DIAPH3: variants seen among roughly 807,000 people sequenced by gnomAD.
The protein encoded by DIAPH3 is protein diaphanous homolog 3.
Under a neutral mutation model 144.3 loss-of-function variants are expected in DIAPH3, and 117 were observed. The ratio of observed to expected loss-of-function variants is 0.81; its 90% CI spans 0.70 to 0.95. The LOEUF is 0.95. Among genes scored for constraint, DIAPH3 ranks in the 40% least tolerant of loss-of-function variants. DIAPH3 has a pLI of 0.00. For synonymous variants in DIAPH3, 519 were observed against 488.9 expected (o/e 1.06, Z -0.81); for missense variants, 1,421 against 1,412.7 (o/e 1.01, Z -0.09).
chr13:60,085,913 G>C (rs1361310342), intron 4 of DIAPH3, among the ~76,000 whole-genome samples: 5 of 151,988 alleles, frequency 3.3e-5, no homozygotes, highest in South Asian at 2.1e-4. Context: ...AAACAACTCA[G>C]TGACAAGATG....
intron 27 of DIAPH3, among the ~76,000 whole-genome samples, chr13:59,709,259 T>C (rs1365584287): frequency 2.0e-5 from 3 of 152,110 alleles, no homozygotes; most frequent in African/African-American, 4.8e-5. Context: ...ACAGCTAAGA[T>C]AGAAAAGGGC....
At chr13:59,992,352 A>AT (rs887852924) in intron 10 of DIAPH3, 121 bp downstream of exon 10, 3 of 1,100,252 alleles carry the variant, frequency 2.7e-6, no homozygotes, top group Non-Finnish European at 3.9e-6. Flanking sequence ...TCAAAAATAG[A>AT]TTTTTTAACT....
intron 4 of DIAPH3, among the ~76,000 whole-genome samples, chr13:60,083,969 T>G (rs192661053): frequency 6.6e-6 from 1 of 150,690 alleles, no homozygotes; most frequent in Admixed American, 6.7e-5. Flanking sequence ...GAATAAACTA[T>G]AGTCTGAGGA....
chr13:59,908,057 T>A (rs1474403497), intron 20 of DIAPH3, among the ~76,000 whole-genome samples: 1 of 152,052 alleles, frequency 6.6e-6, no homozygotes, highest in Non-Finnish European at 1.5e-5. Flanking sequence ...GAAAACTGTA[T>A]CTAAGTGATA....
chr13:59,848,261 C>T (rs984400122), intron 22 of DIAPH3, among the ~76,000 whole-genome samples: 1 of 151,186 alleles, frequency 6.6e-6, no homozygotes, highest in African/African-American at 2.4e-5. Flanking sequence ...TGCTCAAAAC[C>T]TTCCGTGGCT....
intron 17 of DIAPH3, among the ~76,000 whole-genome samples, chr13:59,926,325 C>T (rs1190588417): frequency 6.6e-6 from 1 of 152,082 alleles, no homozygotes; most frequent in Non-Finnish European, 1.5e-5. Flanking sequence ...TTTAGTTCTG[C>T]TCTGAACTTT....
At chr13:60,043,602 G>A (rs1393960744) in intron 4 of DIAPH3, among the ~76,000 whole-genome samples, 1 of 152,148 alleles carries the variant, frequency 6.6e-6, no homozygotes, top group African/African-American at 2.4e-5. Context: ...GCTCTCCTGG[G>A]GAGTTTTGGA....
Position 59,776,496 on chromosome 13 carries a change from A to T in DIAPH3, c.3164-1673T>A, listed in dbSNP as rs534017194. ...TGTCAAATATTTAAGATAGTAAAAG[A>T]AAAAGAAAACATTTCAAAATCTAAA... On this transcript the variant is annotated intron_variant, in intron 25 of 27. Transcript: ENST00000400324. Among the ~76,000 whole-genome samples, 158 of 152,186 alleles carry T rather than the reference A, an allele frequency of 1.0e-3. 1 individual carries two copies. Among genetic ancestry groups the T allele is most frequent in the Non-Finnish European group, 2.0e-3 (133 of 68,028 alleles).
chr13:60,114,770 TA>T (rs1272526463), intron 2 of DIAPH3, among the ~76,000 whole-genome samples: 1 of 150,470 alleles, frequency 6.6e-6, no homozygotes, highest in Non-Finnish European at 1.5e-5. Context: ...GCCAGAGAAA[TA>T]AAAATACATT....
intron 4 of DIAPH3, among the ~76,000 whole-genome samples, chr13:60,082,633 A>G (rs2057600514): frequency 6.6e-6 from 1 of 152,068 alleles, no homozygotes; most frequent in Non-Finnish European, 1.5e-5. Flanking sequence ...TTTATATCCA[A>G]CAAAGCTGAC....
chr13:59,799,230 C>T (rs1212120020), intron 25 of DIAPH3, among the ~76,000 whole-genome samples: 1 of 151,886 alleles, frequency 6.6e-6, no homozygotes, highest in Non-Finnish European at 1.5e-5. Flanking sequence ...GACGTAGATG[C>T]CAACTGAACC....
At chr13:60,105,099 CAAAAAAAA>C (rs60853102) in intron 3 of DIAPH3, among the ~76,000 whole-genome samples, 14 of 41,822 alleles carry the variant, frequency 3.3e-4, no homozygotes, top group Admixed American at 1.2e-3. Flanking sequence ...GACACGATCT[CAAAAAAAA>C]AAAAAAAAAA....
intron 23 of DIAPH3, among the ~76,000 whole-genome samples, chr13:59,833,506 T>C (rs1343105647): frequency 6.6e-6 from 1 of 151,840 alleles, no homozygotes; most frequent in Non-Finnish European, 1.5e-5. Flanking sequence ...ATATATTTAA[T>C]ATTTCTCTTT....
chr13:59,847,396 A>G (rs2042705129), intron 22 of DIAPH3, among the ~76,000 whole-genome samples: 1 of 152,204 alleles, frequency 6.6e-6, no homozygotes, highest in Non-Finnish European at 1.5e-5. Flanking sequence ...CCCCCAGTCA[A>G]TTCTGTTGAG....
chr13:59,870,390 C>T (rs2044185178), intron 21 of DIAPH3, among the ~76,000 whole-genome samples: 1 of 151,820 alleles, frequency 6.6e-6, no homozygotes, highest in African/African-American at 2.4e-5. Context: ...TATACTAAGT[C>T]TGGAAGTCAG....
At position 59,774,769 on chromosome 13, in the gene DIAPH3, G is replaced by T; in HGVS notation, c.3218C>A (p.Ala1073Asp). ...CCTTTTTCTTCTGTCGCGGAAGGCA[G>T]CCCCGGACTGCAAGGCCTCCAGCAG... Reference protein sequence around the residue: ...DNLLEALQSGAAFRDRRKRTP... With the variant: ...DNLLEALQSGDAFRDRRKRTP... Residue 1073 changes from alanine to aspartate, a missense_variant, in exon 26 of 28, where the codon GCT becomes GAT. Coordinates refer to ENST00000400324, the MANE Select transcript of DIAPH3 (RefSeq NM_001042517.2). The T allele has an allele frequency of 6.2e-7, 1 of 1,614,192 alleles. No homozygotes were observed.
chr13:59,984,007 T>A (rs867629162), intron 12 of DIAPH3, 120 bp from the exon 13 acceptor site: 1 of 691,414 alleles, frequency 1.4e-6, no homozygotes, highest in African/African-American at 1.8e-5. Flanking sequence ...ATAATTTCAA[T>A]AGTTGACACA....
At chr13:59,923,727 C>A (rs1167277815) in intron 18 of DIAPH3, among the ~76,000 whole-genome samples, 2 of 152,094 alleles carry the variant, frequency 1.3e-5, no homozygotes, top group Non-Finnish European at 2.9e-5. Flanking sequence ...ATCAGCAGTG[C>A]CCAGAAATAG....
At chr13:60,039,031 G>A (rs1439771902) in intron 5 of DIAPH3, among the ~76,000 whole-genome samples, 1 of 151,570 alleles carries the variant, frequency 6.6e-6, no homozygotes, top group Admixed American at 6.6e-5. Context: ...TTCAGAACTA[G>A]CTCAAAACTG....
Sources: gnomAD v4.1 joint callset for allele counts (sites outside exome capture counted in the v4.1 genomes callset) on GRCh38, gnomAD v4.1.1 for gene constraint, MANE v1.5 for transcripts, NCBI Gene and HGNC (gene_info 2026-07-23, HGNC 2026-07-21) for gene names.